Variants in PTPRO observed in about 807,000 individuals in gnomAD.
PTPRO encodes protein tyrosine phosphatase receptor type O, also known as receptor-type tyrosine-protein phosphatase O.
A neutral mutation model predicts 145.2 loss-of-function variants in PTPRO; 62 were observed. That is an observed-to-expected ratio of 0.43 (90% CI 0.35 to 0.53). PTPRO has a LOEUF of 0.53. Ranked by LOEUF, PTPRO falls within the 20% of genes least tolerant of loss-of-function variation. PTPRO has a pLI of 0.01. For synonymous variants in PTPRO, 565 were observed against 514.7 expected, an observed-to-expected ratio of 1.10 and a Z score of -1.32; for missense variants, 1,345 against 1,482.7, an observed-to-expected ratio of 0.91 and a Z score of 1.53.
At chr12:15,514,890 G>C (rs1257000342) in intron 7 of PTPRO, among the ~76,000 whole-genome samples, 1 of 152,054 alleles carries the variant, frequency 6.6e-6, no homozygotes, top group Non-Finnish European at 1.5e-5. Context: ...AGCCTCCTGA[G>C]TAGCTGAGAT....
At chr12:15,442,095 T>C (rs1473902244) in intron 1 of PTPRO, among the ~76,000 whole-genome samples, 5 of 151,894 alleles carry the variant, frequency 3.3e-5, no homozygotes, top group African/African-American at 1.2e-4. Flanking sequence ...GATGCAAAAA[T>C]GTTCAACAAA....
intron 19 of PTPRO, among the ~76,000 whole-genome samples, chr12:15,569,781 C>T (rs958390728): frequency 9.2e-5 from 14 of 152,090 alleles, no homozygotes; most frequent in African/African-American, 1.7e-4. Flanking sequence ...CCAGGGAAAT[C>T]GAGAGTACAA....
At position 15,422,087 on chromosome 12, in the gene PTPRO, A is replaced by G. The variant is rs182312440; in HGVS notation, c.76-61887A>G. Among the ~76,000 whole-genome samples, 493 of 152,276 alleles carry G rather than the reference A, an allele frequency of 3.2e-3. 2 individuals carry two copies. Among genetic ancestry groups the G allele is most frequent in the Non-Finnish European group, 2.9e-3 (194 of 68,004 alleles). ...ATACTTCCTCTGCCATGGAATTGCT[A>G]AATGAAACTTTGCAGCAATTCCAAA... On this transcript the variant is annotated intron_variant, in intron 1 of 26. Coordinates refer to ENST00000281171, the MANE Select transcript of PTPRO (RefSeq NM_030667.3).
At chr12:15,559,334 A>G (rs1310674553) in intron 16 of PTPRO, among the ~76,000 whole-genome samples, 2 of 152,204 alleles carry the variant, frequency 1.3e-5, no homozygotes, top group African/African-American at 4.8e-5. Context: ...TATCTCAGTG[A>G]AGATTTGTAA....
At chr12:15,425,287 T>C (rs1427396571) in intron 1 of PTPRO, among the ~76,000 whole-genome samples, 1 of 152,222 alleles carries the variant, frequency 6.6e-6, no homozygotes, top group Non-Finnish European at 1.5e-5. Context: ...TTTTTACAAA[T>C]GTTAACACAT....
intron 1 of PTPRO, among the ~76,000 whole-genome samples, chr12:15,370,616 C>G (rs1170170038): frequency 6.6e-6 from 1 of 151,964 alleles, no homozygotes; most frequent in African/African-American, 2.4e-5. Flanking sequence ...TGAGAGGTGT[C>G]ATAATTTTTG....
At chr12:15,517,272 T>C (rs1484776545) in intron 9 of PTPRO, among the ~76,000 whole-genome samples, 4 of 152,102 alleles carry the variant, frequency 2.6e-5, no homozygotes, top group Non-Finnish European at 1.5e-5. Flanking sequence ...CTCCCTCTTA[T>C]AATAGCCATC....
chr12:15,514,542 A>G (rs1458612707), intron 7 of PTPRO, among the ~76,000 whole-genome samples: 2 of 151,836 alleles, frequency 1.3e-5, no homozygotes, highest in East Asian at 3.9e-4. Flanking sequence ...AGGGGGCTAC[A>G]ACAGCCTGGC....
chr12:15,562,570 G>A (rs183729023), intron 17 of PTPRO, among the ~76,000 whole-genome samples: 7 of 152,152 alleles, frequency 4.6e-5, no homozygotes, highest in African/African-American at 1.4e-4. Context: ...AGTGTTGCTC[G>A]AATCTCTTCC....
At chr12:15,521,310 G>A (rs1002310094) in intron 10 of PTPRO, among the ~76,000 whole-genome samples, 11 of 151,908 alleles carry the variant, frequency 7.2e-5, no homozygotes, top group Non-Finnish European at 1.5e-4. Flanking sequence ...TTCTTTACTA[G>A]CCAATATCCA....
At chr12:15,590,596 C>A (rs1565450074) in intron 25 of PTPRO, among the ~76,000 whole-genome samples, 1 of 152,192 alleles carries the variant, frequency 6.6e-6, no homozygotes, top group African/African-American at 2.4e-5. Context: ...CTTTCCCACT[C>A]CTTTTACTTT....
intron 1 of PTPRO, among the ~76,000 whole-genome samples, chr12:15,370,834 C>T (rs1039004064): frequency 3.9e-5 from 6 of 151,914 alleles, no homozygotes; most frequent in African/African-American, 1.5e-4. Flanking sequence ...GCAATTGTAC[C>T]TATGAAAAAA....
Position 15,439,616 on chromosome 12 carries a change from C to T in PTPRO, c.76-44358C>T, listed in dbSNP as rs560964605. 3.2e-3 allele frequency: 927 copies of T among 291,682 alleles called. 7 individuals are homozygous for T. The highest frequency in any genetic ancestry group is 4.4e-3 in the Non-Finnish European group (654 of 148,350). The allele number at this position is 291,682 out of a possible 1,614,324, so 18.1% of individuals were successfully genotyped here. ...ACAGTGGCTTTCGTGGAGGTTTTGG[C>T]AGTGGCATCTGGGCTGTGGTCACAG... On this transcript the variant is annotated intron_variant, in intron 1 of 26. Transcript: ENST00000281171.
chr12:15,436,593 T>G (rs1940601573), intron 1 of PTPRO, among the ~76,000 whole-genome samples: 1 of 152,106 alleles, frequency 6.6e-6, no homozygotes, highest in Non-Finnish European at 1.5e-5. Flanking sequence ...TGGAGTTAGC[T>G]TAGGGAGAGT....
At chr12:15,546,936 C>T (rs990561628) in intron 13 of PTPRO, among the ~76,000 whole-genome samples, 2 of 152,110 alleles carry the variant, frequency 1.3e-5, no homozygotes, top group Non-Finnish European at 2.9e-5. Context: ...TAAGTCACTC[C>T]AGGTCAGACA....
chr12:15,589,528 G>A lies in PTPRO; in HGVS notation c.3484G>A (p.Val1162Ile), dbSNP rs994586217. The A allele has an allele frequency of 1.7e-5, 28 of 1,614,094 alleles. No homozygotes were observed. The East Asian group carries it at 6.0e-4, about 35-fold the overall frequency. Residue 1162 changes from valine (V) to isoleucine (I), a missense_variant, in exon 25 of 27, where the codon GTT (valine) becomes ATT (isoleucine). By Grantham distance (29) the Val-to-Ile change is conservative (BLOSUM62 3). Transcript: ENST00000281171. ...LLQHIRDHEF[V>I]DILGLVSEMR... ...GCAGCACATTCGGGATCATGAGTTT[G>A]TTGACATCTTAGGGCTGGTGTCAGA...
chr12:15,546,603 C>T lies in PTPRO; in HGVS notation c.2199C>T (p.Asn733=). 7 of 1,612,642 alleles carry T rather than the reference C, an allele frequency of 4.3e-6. No individual in the cohort carries two copies. Among genetic ancestry groups the T allele is most frequent in the South Asian group, 2.2e-5 (2 of 90,964 alleles). The change falls in exon 13 of 27, where the codon AAC becomes AAT. Residue 733 remains asparagine (N), a synonymous_variant. Coordinates refer to ENST00000281171, the MANE Select transcript of PTPRO (RefSeq NM_030667.3). ...PAPPKSLFAV[N]KTQTSVTLLW... ...CACCCAAATCACTCTTCGCAGTGAA[C>T]AAAACCCAGACTTCAGTGACTTTGC... is the stretch of plus-strand genomic sequence containing the variant.
chr12:15,572,427 A>G (rs1263460554), intron 19 of PTPRO, among the ~76,000 whole-genome samples: 1 of 152,248 alleles, frequency 6.6e-6, no homozygotes, highest in Non-Finnish European at 1.5e-5. Context: ...TGATAATGTA[A>G]TATTACAAAG....
chr12:15,433,448 G>A (rs1168022249), intron 1 of PTPRO, among the ~76,000 whole-genome samples: 1 of 152,182 alleles, frequency 6.6e-6, no homozygotes, highest in African/African-American at 2.4e-5. Context: ...CTCCCAAAGT[G>A]CTGGGATTAC....
Sources: gnomAD v4.1 joint callset for allele counts (sites outside exome capture counted in the v4.1 genomes callset) on GRCh38, gnomAD v4.1.1 for gene constraint, MANE v1.5 for transcripts, NCBI Gene and HGNC (gene_info 2026-07-23, HGNC 2026-07-21) for gene names.